The following PIP5K1C variants were observed in gnomAD, a reference collection of about 807,000 sequenced individuals.
PIP5K1C encodes phosphatidylinositol-4-phosphate 5-kinase type 1 gamma.
A neutral mutation model predicts 80.1 loss-of-function variants in PIP5K1C; 45 were observed. The ratio of observed to expected loss-of-function variants is 0.56; its 90% confidence interval spans 0.44 to 0.72. The LOEUF (loss-of-function observed/expected upper bound fraction) is 0.72. PIP5K1C is among the 30% of genes least tolerant of loss of function. The pLI is 0.00. For synonymous variants in PIP5K1C, 498 were observed against 420.1 expected (o/e 1.19, Z -2.27); for missense variants, 753 against 954.6 (o/e 0.79, Z 2.78).
chr19:3,695,411 C>T (rs893367051), intron 1 of PIP5K1C, among the ~76,000 whole-genome samples: 1 of 152,212 alleles, frequency 6.6e-6, no homozygotes, highest in African/African-American at 2.4e-5. Context: ...CTGCCTGTCC[C>T]GTGCCTTCTA....
At chr19:3,695,510 C>A (rs1031846376) in intron 1 of PIP5K1C, among the ~76,000 whole-genome samples, 4 of 152,236 alleles carry the variant, frequency 2.6e-5, no homozygotes, top group African/African-American at 4.8e-5. Context: ...GGCTGCACAT[C>A]CCCGGCTGGC....
chr19:3,639,535 G>A (rs1251050530), intron 15 of PIP5K1C, among the ~76,000 whole-genome samples: 4 of 152,104 alleles, frequency 2.6e-5, no homozygotes, highest in East Asian at 1.9e-4. Context: ...GGGCTCAAGC[G>A]ATCCTCCAAC....
rs768744439 is a variant in PIP5K1C, at chr19:3,633,105, C to T, written c.*62G>A. 88 of 730,444 alleles carry T rather than the reference C, an allele frequency of 1.2e-4. No homozygotes were observed. Among genetic ancestry groups the T allele is most frequent in the Middle Eastern group, 2.3e-4 (1 of 4,288 alleles). The allele number at this position is 730,444 out of a possible 1,614,324, so 45.2% of individuals were successfully genotyped here. A position where few individuals can be genotyped will look rare whatever the true frequency, so the allele number is the denominator to read the frequency against. On this transcript the variant is annotated 3_prime_UTR_variant, in exon 18 of 18. Coordinates refer to ENST00000335312, the MANE Select transcript of PIP5K1C (RefSeq NM_012398.3). The stretch of plus-strand genomic sequence containing the variant: ...CTCTGGGCCTCAGCGGGGTGGGCAG[C>T]GCCTTCGGGGGCAGCCGGAGCAGAA...
rs2036131345 is a variant in PIP5K1C at position 3,696,985 on chromosome 19, TGAGCTGGACGGAGGAGGATC to T, written c.94+3292_94+3311del. ...AGGACTGAGCTGGACCGAGGAGGAC[TGAGCTGGACGGAGGAGGATC>T]GAGCTGGACCGAGGAGGACCGAGCT... On this transcript the variant is annotated intron_variant, in intron 1 of 17. Transcript: ENST00000335312. This position sits in a 1 kb window ranked among gnomAD's most constrained non-coding sequence, Gnocchi z 4.1. Among the ~76,000 whole-genome samples the T allele has an allele frequency of 6.7e-6, 1 of 149,474 alleles. No individual in the cohort carries two copies. Among genetic ancestry groups the T allele is most frequent in the Non-Finnish European group, 1.5e-5 (1 of 67,178 alleles).
chr19:3,634,083 C>T (rs527835103), intron 16 of PIP5K1C, among the ~76,000 whole-genome samples: 3 of 152,240 alleles, frequency 2.0e-5, no homozygotes, highest in South Asian at 4.1e-4. Flanking sequence ...CTCGGACCAC[C>T]CACCCTGCAA....
rs745995555 is a variant in PIP5K1C at position 3,633,488 on chromosome 19, C to T, written c.1953G>A (p.Pro651=). The T allele has an allele frequency of 3.5e-5, 53 of 1,507,170 alleles. No individual in the cohort carries two copies. The highest frequency in any genetic ancestry group is 1.8e-4 in the Middle Eastern group (1 of 5,516). The allele number at this position is 1,507,170 out of a possible 1,614,324, so 93.4% of individuals were successfully genotyped here. A position where few individuals can be genotyped will look rare whatever the true frequency, so the allele number is the denominator to read the frequency against. Residue 651 remains proline, a synonymous_variant, in exon 17 of 18, where the codon CCG becomes CCA. Transcript: ENST00000335312. Reference sequence around the variant, plus strand: ...GGGGGGCCTGGGCGCTATAGTGGAGCGGGGAGTACACCCAGCTCCTCTCAT... The same window carrying T: ...GGGGGGCCTGGGCGCTATAGTGGAGTGGGGAGTACACCCAGCTCCTCTCAT... The part of the protein sequence containing the change: ...PTDERSWVYS[P]LHYSAQAPPA...
rs1266514451 is a variant in PIP5K1C, at chr19:3,630,423, C to T, written c.*2744G>A. ...CATCCCTGGGGGGAGTTAAGACACA[C>T]GAGGTTTGCAGTTTCATTTTGTTTC... On this transcript the variant is annotated 3_prime_UTR_variant, in exon 18 of 18. Coordinates refer to ENST00000335312, the MANE Select transcript of PIP5K1C (RefSeq NM_012398.3). 2.6e-5 allele frequency: 4 copies of T among 152,510 alleles called. No homozygotes were observed. The highest frequency in any genetic ancestry group is 4.2e-4 in the South Asian group (2 of 4,818). The allele number at this position is 152,510 out of a possible 1,614,324, so 9.4% of individuals were successfully genotyped here.
At chr19:3,633,729 G>C (rs924867632) in intron 16 of PIP5K1C, among the ~76,000 whole-genome samples, 1 of 147,578 alleles carries the variant, frequency 6.8e-6, no homozygotes, top group Non-Finnish European at 1.5e-5. Flanking sequence ...TCAGCTTGGC[G>C]GGGCGGGGCA....
rs2034307005 is a variant in PIP5K1C at position 3,648,151 on chromosome 19, A to G, written c.1211+474T>C. On this transcript the variant is annotated intron_variant, in intron 9 of 17. Transcript: ENST00000335312. The surrounding 1 kb of genome is among the most constrained non-coding windows in gnomAD (Gnocchi z 4.3). The stretch of plus-strand genomic sequence containing the variant: ...GGAATCCTCCTGCCTCGGCCTCCCA[A>G]GTAGCTGGGACTGCAGGAGCACCAC... Among the ~76,000 whole-genome samples, 1 of 151,064 alleles carries G rather than the reference A, an allele frequency of 6.6e-6. No individual in the cohort carries two copies.
intron 5 of PIP5K1C, among the ~76,000 whole-genome samples, chr19:3,657,662 C>T (rs2034681746): frequency 6.6e-6 from 1 of 151,990 alleles, no homozygotes; most frequent in African/African-American, 2.4e-5. Context: ...GGCGGCTCAC[C>T]CAGCACTCTG....
chr19:3,699,493 G>T (rs1043299051), intron 1 of PIP5K1C, among the ~76,000 whole-genome samples: 1 of 152,216 alleles, frequency 6.6e-6, no homozygotes, highest in Non-Finnish European at 1.5e-5. Context: ...GCCCGTGTGG[G>T]TGTCTACAGA....
intron 1 of PIP5K1C, among the ~76,000 whole-genome samples, chr19:3,695,899 A>AT (rs958742736): frequency 5.0e-4 from 76 of 151,056 alleles, no homozygotes; most frequent in Non-Finnish European, 1.0e-3. Context: ...ACTTCTTTTA[A>AT]TTTTTTTTTA....
rs754359919 is a variant in PIP5K1C at position 3,661,113 on chromosome 19, G to A, written c.351-30C>T. 7.3e-6 allele frequency: 11 copies of A among 1,498,324 alleles called. No homozygotes were observed. The South Asian group carries it at 1.0e-4, about 14-fold the overall frequency. 92.8% of individuals were successfully genotyped at this position (1,498,324 alleles called of 1,614,324 possible). A position where few individuals can be genotyped will look rare whatever the true frequency, so the allele number is the denominator to read the frequency against. On this transcript the variant is annotated intron_variant, in intron 4 of 17. Coordinates refer to ENST00000335312, the MANE Select transcript of PIP5K1C (RefSeq NM_012398.3). ...GGAGGAAGGACGGGAGGAAACCTGT[G>A]AGGGGTGGTGGGCACCTCTCCCCCA... is the stretch of plus-strand genomic sequence containing the variant.
chr19:3,661,852 C>A lies in PIP5K1C; in HGVS notation c.350+19G>T. The A allele has an allele frequency of 6.2e-7, 1 of 1,610,044 alleles. No homozygotes were observed. Among genetic ancestry groups the A allele is most frequent in the Non-Finnish European group, 8.5e-7 (1 of 1,179,908 alleles). On this transcript the variant is annotated intron_variant, in intron 4 of 17. Transcript: ENST00000335312. ...CGTGTGTGCTGGGTGAGCCCTGAGG[C>A]TCCGGGGGCCCGGCCCACCTGGGGA...
chr19:3,679,742 A>G (rs1476592), intron 1 of PIP5K1C, among the ~76,000 whole-genome samples: 31,104 of 152,136 alleles, frequency 0.2, 3,734 homozygotes, highest in African/African-American at 0.32. Context: ...AGGAAGAAGC[A>G]CAGGCTTGGG....
chr19:3,688,278 C>T lies in PIP5K1C; in HGVS notation c.94+12019G>A, dbSNP rs2035834333. On this transcript the variant is annotated intron_variant, in intron 1 of 17. Transcript: ENST00000335312. The surrounding 1 kb of genome is among the most constrained non-coding windows in gnomAD (Gnocchi z 5.3). ...AGCGTCCCTCCGGGGAGTACAGTGT[C>T]CCTGAAGGGAATTCCTTCCAGAGCC... is the stretch of plus-strand genomic sequence containing the variant. 6.6e-6 allele frequency among the ~76,000 whole-genome samples: 1 copy of T among 152,212 alleles called. No homozygotes were observed. Among genetic ancestry groups the T allele is most frequent in the South Asian group, 2.1e-4 (1 of 4,836 alleles).
chr19:3,633,849 C>A (rs898507015), intron 16 of PIP5K1C, among the ~76,000 whole-genome samples: 6 of 152,086 alleles, frequency 3.9e-5, no homozygotes, highest in African/African-American at 1.4e-4. Flanking sequence ...GAGTGTTCCT[C>A]CTCCTCCTCC....
intron 16 of PIP5K1C, among the ~76,000 whole-genome samples, chr19:3,634,589 G>A (rs755463152): frequency 5.9e-5 from 9 of 152,330 alleles, no homozygotes; most frequent in South Asian, 2.1e-4. Context: ...CCCACTGCTC[G>A]TCCTTCCAGT....
At chr19:3,654,977 A>G (rs1450908875) in intron 6 of PIP5K1C, among the ~76,000 whole-genome samples, 2 of 151,344 alleles carry the variant, frequency 1.3e-5, no homozygotes, top group East Asian at 1.9e-4. Context: ...GCGTGGTGGT[A>G]GGTGCCTGGA....
Sources: allele counts gnomAD v4.1 joint callset (sites outside exome capture counted in the v4.1 genomes callset), GRCh38; gene constraint gnomAD v4.1.1; non-coding constraint Gnocchi (gnomAD v3.1); transcripts MANE v1.5; gene names NCBI Gene and HGNC (gene_info 2026-07-23, HGNC 2026-07-21).